The following CNIH1 variants were observed in gnomAD, a reference collection of about 807,000 sequenced individuals.
CNIH1 encodes the protein protein cornichon homolog 1.
Under a neutral mutation model 20.2 loss-of-function variants are expected in CNIH1, and 12 were observed. That is an observed-to-expected ratio of 0.59 (90% CI 0.38 to 0.96). The LOEUF (loss-of-function observed/expected upper bound fraction) is 0.96, where lower values mean the gene tolerates loss of function less well. Among genes scored for constraint, CNIH1 ranks in the 40% least tolerant of loss-of-function variants. The pLI is 0.00. For missense variants in CNIH1, 152 were observed against 178.8 expected, an observed-to-expected ratio of 0.85 and a Z score of 0.85; for synonymous variants, 69 against 63.3, an observed-to-expected ratio of 1.09 and a Z score of -0.43.
intron 3 of CNIH1, 28 bp from the exon 4 acceptor site, chr14:54,430,432 T>G: frequency 1.3e-6 from 2 of 1,583,642 alleles, no homozygotes; most frequent in Non-Finnish European, 1.7e-6. Context: ...TATTAGGCAT[T>G]CAGAAAGGGC....
chr14:54,428,762 CTTCT>C (rs1405432170), intron 4 of CNIH1, among the ~76,000 whole-genome samples: 3 of 152,304 alleles, frequency 2.0e-5, no homozygotes, highest in Admixed American at 6.5e-5. Context: ...TTTCAGAGCA[CTTCT>C]TTGTTTCATA....
chr14:54,439,233 C>A (rs2031117328), intron 1 of CNIH1, among the ~76,000 whole-genome samples: 1 of 152,050 alleles, frequency 6.6e-6, no homozygotes, highest in African/African-American at 2.4e-5. Context: ...GATACTAATT[C>A]TCTGAATGAA....
chr14:54,438,496 C>T (rs1413933560), intron 1 of CNIH1, among the ~76,000 whole-genome samples: 1 of 152,158 alleles, frequency 6.6e-6, no homozygotes, highest in East Asian at 1.9e-4. Flanking sequence ...AGAATACCTT[C>T]CAATTTAATA....
chr14:54,428,274 T>C (rs967757852), intron 4 of CNIH1, among the ~76,000 whole-genome samples: 1 of 152,102 alleles, frequency 6.6e-6, no homozygotes, highest in Admixed American at 6.5e-5. Flanking sequence ...GTATCCCCAT[T>C]GTATAGAAAG....
At chr14:54,440,688 A>G (rs2031151863) in intron 1 of CNIH1, among the ~76,000 whole-genome samples, 1 of 152,224 alleles carries the variant, frequency 6.6e-6, no homozygotes, top group South Asian at 2.1e-4. Flanking sequence ...ACTTGCATCA[A>G]AGTTCACCAG....
chr14:54,440,363 T>C (rs2031145268), intron 1 of CNIH1, among the ~76,000 whole-genome samples: 1 of 152,228 alleles, frequency 6.6e-6, no homozygotes, highest in African/African-American at 2.4e-5. Flanking sequence ...GCTTTTAATT[T>C]TGTGCTAAAG....
intron 2 of CNIH1, among the ~76,000 whole-genome samples, 198 bp from the exon 3 acceptor site, chr14:54,432,418 A>G (rs2030967953): frequency 6.6e-6 from 1 of 152,266 alleles, no homozygotes; most frequent in South Asian, 2.1e-4. Flanking sequence ...TGACCAGAGC[A>G]TATAGCTTGC....
rs2030835961 is a variant in CNIH1, at chr14:54,426,819, A to G, written c.*995T>C. ...GATCTAGGCATGGTATTTTTCAGAA[A>G]ACCCATAATGTAGTACGTCACTTTT... On this transcript the variant is annotated 3_prime_UTR_variant, in exon 5 of 5. Transcript: ENST00000216416. The G allele has an allele frequency of 6.6e-6, 1 of 152,202 alleles. No individual in the cohort carries two copies. Among genetic ancestry groups the G allele is most frequent in the Admixed American group, 6.5e-5 (1 of 15,274 alleles). The allele number at this position is 152,202 out of a possible 1,614,324, so 9.4% of individuals were successfully genotyped here. A position where few individuals can be genotyped will look rare whatever the true frequency, so the allele number is the denominator to read the frequency against.
At chr14:54,436,984 T>A (rs1259955819) in intron 1 of CNIH1, among the ~76,000 whole-genome samples, 1 of 152,220 alleles carries the variant, frequency 6.6e-6, no homozygotes, top group Non-Finnish European at 1.5e-5. Context: ...GGACCATTTT[T>A]ATTTATCTGT....
chr14:54,427,673 T>C lies in CNIH1; in HGVS notation c.*141A>G, dbSNP rs1364850231. On this transcript the variant is annotated 3_prime_UTR_variant, in exon 5 of 5. Transcript: ENST00000216416. ...TTCCACAAGCAAAAATGTGGAAACA[T>C]TTAAAAAATAAGGAGTCATTTTTTA... is the stretch of plus-strand genomic sequence containing the variant. 6 of 828,460 alleles carry C rather than the reference T, an allele frequency of 7.2e-6. No individual in the cohort carries two copies. The highest frequency in any genetic ancestry group is 6.9e-5 in the African/African-American group (4 of 58,248). The allele number at this position is 828,460 out of a possible 1,614,324, so 51.3% of individuals were successfully genotyped here.
At chr14:54,437,571 T>A (rs1256167072) in intron 1 of CNIH1, among the ~76,000 whole-genome samples, 1 of 152,172 alleles carries the variant, frequency 6.6e-6, no homozygotes, top group South Asian at 2.1e-4. Context: ...TTGTTGTATT[T>A]ACTATTATGT....
At chr14:54,439,104 G>A (rs983625901) in intron 1 of CNIH1, among the ~76,000 whole-genome samples, 1 of 152,054 alleles carries the variant, frequency 6.6e-6, no homozygotes, top group Non-Finnish European at 1.5e-5. Flanking sequence ...TTCCTGTATA[G>A]CAACACTATA....
intron 4 of CNIH1, 117 bp from the exon 5 acceptor site, chr14:54,427,958 A>C: frequency 2.0e-6 from 2 of 982,406 alleles, no homozygotes; most frequent in Non-Finnish European, 3.1e-6. Context: ...GACAAGACTA[A>C]TGACAAGTTC....
At chr14:54,438,316 T>C (rs1026346601) in intron 1 of CNIH1, among the ~76,000 whole-genome samples, 1 of 152,234 alleles carries the variant, frequency 6.6e-6, no homozygotes, top group Non-Finnish European at 1.5e-5. Flanking sequence ...AATGGGTTTC[T>C]CTTTGAGTGC....
rs181382920 is a variant in CNIH1, at chr14:54,428,075, G to A, written c.408-234C>T. Among the ~76,000 whole-genome samples the A allele has an allele frequency of 4.6e-5, 7 of 152,182 alleles. No homozygotes were observed. The East Asian group carries it at 1.2e-3, about 25-fold the overall frequency. Reference sequence around the variant, plus strand: ...CCCTTCCAATTTTAGCAAGTAGAACGGCACAGCTGAAAGCTTAATGGCGGA... The same window carrying A: ...CCCTTCCAATTTTAGCAAGTAGAACAGCACAGCTGAAAGCTTAATGGCGGA... On this transcript the variant is annotated intron_variant, in intron 4 of 4. Transcript: ENST00000216416.
At chr14:54,436,250 C>G in intron 2 of CNIH1, 119 bp downstream of exon 2, 2 of 715,778 alleles carry the variant, frequency 2.8e-6, no homozygotes, top group Non-Finnish European at 5.1e-6. Flanking sequence ...TAAATTCTGC[C>G]TACTTCAAAA....
At chr14:54,440,237 G>A (rs1046400948) in intron 1 of CNIH1, among the ~76,000 whole-genome samples, 1 of 152,172 alleles carries the variant, frequency 6.6e-6, no homozygotes, top group Non-Finnish European at 1.5e-5. Flanking sequence ...ATCTACGTAA[G>A]AGTGAACGCG....
chr14:54,438,757 T>C (rs1489291303), intron 1 of CNIH1, among the ~76,000 whole-genome samples: 1 of 152,202 alleles, frequency 6.6e-6, no homozygotes, highest in Admixed American at 6.5e-5. Flanking sequence ...CTCCTCCAAA[T>C]CTCAGGTTGA....
chr14:54,440,899 C>A (rs1367488112), intron 1 of CNIH1, among the ~76,000 whole-genome samples: 2 of 152,202 alleles, frequency 1.3e-5, no homozygotes, highest in African/African-American at 2.4e-5. Context: ...ACCGCGCTGT[C>A]GACATCCTCC....
Sources: allele counts gnomAD v4.1 joint callset (sites outside exome capture counted in the v4.1 genomes callset), GRCh38; gene constraint gnomAD v4.1.1; transcripts MANE v1.5; gene names NCBI Gene and HGNC (gene_info 2026-07-23, HGNC 2026-07-21).